Variants in TSPAN2 observed in about 807,000 individuals in gnomAD.
The protein encoded by TSPAN2 is tetraspanin 2.
Under a neutral mutation model 33.3 loss-of-function variants are expected in TSPAN2, and 24 were observed. The observed-to-expected ratio is 0.72, with a 90% CI of 0.52 to 1.01. TSPAN2 has a LOEUF of 1.01. Among genes scored for constraint, TSPAN2 ranks in the 50% least tolerant of loss-of-function variants. The pLI is 0.00. For synonymous variants in TSPAN2, 114 were observed against 104.5 expected, an observed-to-expected ratio of 1.09 and a Z score of -0.56; for missense variants, 278 against 281.3, an observed-to-expected ratio of 0.99 and a Z score of 0.08.
chr1:115,069,882 C>T (rs1175917156), intron 2 of TSPAN2, among the ~76,000 whole-genome samples: 1 of 152,212 alleles, frequency 6.6e-6, no homozygotes, highest in East Asian at 1.9e-4. Context: ...CTGAATGAAA[C>T]ACACAATTCT....
intron 1 of TSPAN2, among the ~76,000 whole-genome samples, chr1:115,085,087 G>T (rs1023072510): frequency 6.6e-6 from 1 of 152,114 alleles, no homozygotes; most frequent in African/African-American, 2.4e-5. Flanking sequence ...CTTGGTGGGG[G>T]TGTAGTGTTT....
intron 1 of TSPAN2, among the ~76,000 whole-genome samples, chr1:115,080,938 CAA>C (rs1557885039): frequency 6.6e-6 from 1 of 152,126 alleles, no homozygotes; most frequent in Non-Finnish European, 1.5e-5. Flanking sequence ...ACACATTAAA[CAA>C]TATTTATTTA....
intron 1 of TSPAN2, among the ~76,000 whole-genome samples, chr1:115,087,615 CAA>C (rs58524726): frequency 1.5e-4 from 14 of 92,196 alleles, no homozygotes; most frequent in East Asian, 3.1e-4. Context: ...GACTCCGTCT[CAA>C]AAAAAAAAAA....
intron 1 of TSPAN2, among the ~76,000 whole-genome samples, chr1:115,084,441 C>T (rs902415894): frequency 4.6e-5 from 7 of 152,090 alleles, no homozygotes; most frequent in Non-Finnish European, 8.8e-5. Context: ...AACTGCCACG[C>T]TGCATAGGTC....
intron 1 of TSPAN2, among the ~76,000 whole-genome samples, chr1:115,073,921 GC>G (rs1184280286): frequency 6.6e-6 from 1 of 152,132 alleles, no homozygotes; most frequent in African/African-American, 2.4e-5. Flanking sequence ...GCAGGCTCTA[GC>G]CACGGTGTTT....
chr1:115,084,033 CA>C (rs1274190327), intron 1 of TSPAN2, among the ~76,000 whole-genome samples: 4 of 152,176 alleles, frequency 2.6e-5, no homozygotes, highest in African/African-American at 9.7e-5. Flanking sequence ...CTTTTGACTC[CA>C]TGCCCTTGAT....
intron 4 of TSPAN2, 152 bp from the exon 5 acceptor site, chr1:115,059,133 G>T (rs548275133): frequency 2.5e-4 from 169 of 665,332 alleles, no homozygotes; most frequent in Non-Finnish European, 3.9e-4. Context: ...CAGGGGAAAG[G>T]GTAGGAGTGA....
At chr1:115,082,426 A>G (rs1028978752) in intron 1 of TSPAN2, among the ~76,000 whole-genome samples, 5 of 152,204 alleles carry the variant, frequency 3.3e-5, no homozygotes, top group African/African-American at 1.2e-4. Context: ...CTCATATGTA[A>G]ACTGGGGATG....
chr1:115,055,868 A>G (rs889365031), intron 6 of TSPAN2, among the ~76,000 whole-genome samples: 1 of 152,144 alleles, frequency 6.6e-6, no homozygotes, highest in Non-Finnish European at 1.5e-5. Context: ...TATCCAAACA[A>G]TCCCCTATTG....
intron 1 of TSPAN2, among the ~76,000 whole-genome samples, chr1:115,077,795 A>G (rs183509377): frequency 5.3e-5 from 8 of 152,360 alleles, no homozygotes; most frequent in Admixed American, 4.6e-4. Flanking sequence ...AATTGCAAAC[A>G]TGGTCCCTAG....
At chr1:115,067,488 A>G (rs1647995645) in intron 2 of TSPAN2, among the ~76,000 whole-genome samples, 1 of 152,232 alleles carries the variant, frequency 6.6e-6, no homozygotes, top group Admixed American at 6.5e-5. Flanking sequence ...AATTGTCTCA[A>G]CAATGTAAGC....
chr1:115,048,040 T>C lies in TSPAN2; in HGVS notation c.*2450A>G, dbSNP rs1309965990. 4 of 151,856 alleles carry C rather than the reference T, an allele frequency of 2.6e-5. No individual in the cohort carries two copies. The highest frequency in any genetic ancestry group is 9.7e-5 in the African/African-American group (4 of 41,390). The allele number at this position is 151,856 out of a possible 1,614,324, so 9.4% of individuals were successfully genotyped here. On this transcript the variant is annotated 3_prime_UTR_variant, in exon 8 of 8. Transcript: ENST00000369516. ...AGTATATAGAAAATTTAATATGAAA[T>C]CACTTAAAATATTTCAACATTAAGA... is the stretch of plus-strand genomic sequence containing the variant.
intron 6 of TSPAN2, among the ~76,000 whole-genome samples, chr1:115,055,992 C>A (rs972632726): frequency 6.6e-6 from 1 of 152,100 alleles, no homozygotes; most frequent in Non-Finnish European, 1.5e-5. Context: ...GAATAAACTC[C>A]GAGAAGTGGA....
intron 2 of TSPAN2, among the ~76,000 whole-genome samples, chr1:115,070,094 C>T (rs995743437): frequency 3.9e-5 from 6 of 152,128 alleles, no homozygotes; most frequent in African/African-American, 1.4e-4. Context: ...CCATCTGTAG[C>T]GCCACGCAAC....
At chr1:115,088,613 G>A (rs1325244545) in intron 1 of TSPAN2, among the ~76,000 whole-genome samples, 2 of 152,120 alleles carry the variant, frequency 1.3e-5, no homozygotes, top group Non-Finnish European at 2.9e-5. Flanking sequence ...TGGGAACGCT[G>A]TCAGTTCAAT....
intron 1 of TSPAN2, among the ~76,000 whole-genome samples, chr1:115,074,399 G>A (rs1300431566): frequency 6.6e-6 from 1 of 152,106 alleles, no homozygotes; most frequent in Non-Finnish European, 1.5e-5. Flanking sequence ...AAAGAGGTGC[G>A]ACCTCAGTGA....
At chr1:115,086,909 T>TTTTG (rs770936760) in intron 1 of TSPAN2, among the ~76,000 whole-genome samples, 25 of 151,726 alleles carry the variant, frequency 1.6e-4, no homozygotes, top group African/African-American at 4.1e-4. Context: ...GAGCTGAGAA[T>TTTTG]TTTGTTTGTT....
chr1:115,058,754 G>A, intron 5 of TSPAN2, 129 bp downstream of exon 5: 1 of 804,162 alleles, frequency 1.2e-6, no homozygotes, highest in Non-Finnish European at 2.1e-6. Context: ...CCTCAAAAGG[G>A]CTAAAATAGG....
intron 5 of TSPAN2, 115 bp downstream of exon 5, chr1:115,058,768 T>C (rs1647539118): frequency 1.1e-6 from 1 of 899,768 alleles, no homozygotes; most frequent in Non-Finnish European, 1.8e-6. Flanking sequence ...AAATAGGTGG[T>C]GCTACTTGGC....
Sources: allele counts gnomAD v4.1 joint callset (sites outside exome capture counted in the v4.1 genomes callset), GRCh38; gene constraint gnomAD v4.1.1; transcripts MANE v1.5; gene names NCBI Gene and HGNC (gene_info 2026-07-23, HGNC 2026-07-21).